The following PDE4B variants were observed in gnomAD, a reference collection of about 807,000 sequenced individuals.
The protein encoded by PDE4B is phosphodiesterase 4B, also known as 3',5'-cyclic-AMP phosphodiesterase 4B.
PDE4B carries 20 observed loss-of-function variants against 82.2 expected under a neutral mutation model. That is an observed-to-expected ratio of 0.24 (90% CI 0.17 to 0.35). The LOEUF is 0.35. Among genes scored for constraint, PDE4B ranks in the 10% least tolerant of loss-of-function variants. PDE4B has a pLI of 1.00. For missense variants in PDE4B, 655 were observed against 907.2 expected, an observed-to-expected ratio of 0.72 and a Z score of 3.57; for synonymous variants, 320 against 318.9, an observed-to-expected ratio of 1.00 and a Z score of -0.04.
chr1:66,166,810 G>T (rs1191467014), intron 3 of PDE4B, among the ~76,000 whole-genome samples: 1 of 151,490 alleles, frequency 6.6e-6, no homozygotes, highest in Non-Finnish European at 1.5e-5. Context: ...TCTGATAAGG[G>T]ACATGTTTCT....
At chr1:66,257,949 C>G in intron 6 of PDE4B, 86 bp downstream of exon 6, 1 of 891,184 alleles carries the variant, frequency 1.1e-6, no homozygotes, top group South Asian at 1.4e-5. Flanking sequence ...ACAACTATTA[C>G]ATGGAAAATT....
chr1:66,076,003 GCTTTCTTTTT>G (rs2100942338), intron 3 of PDE4B, among the ~76,000 whole-genome samples: 1 of 151,950 alleles, frequency 6.6e-6, no homozygotes, highest in South Asian at 2.1e-4. Context: ...ATTTACTACT[GCTTTCTTTTT>G]CTTTCTTTCT....
intron 1 of PDE4B, among the ~76,000 whole-genome samples, chr1:65,795,523 C>T (rs1237064789): frequency 6.6e-6 from 1 of 152,206 alleles, no homozygotes; most frequent in African/African-American, 2.4e-5. Flanking sequence ...CTTGTTGCCC[C>T]AGCTTCTGGG....
At chr1:66,191,462 A>C (rs183718401) in intron 3 of PDE4B, among the ~76,000 whole-genome samples, 20 of 152,344 alleles carry the variant, frequency 1.3e-4, no homozygotes, top group Non-Finnish European at 2.1e-4. Flanking sequence ...TTCATTTTAC[A>C]ATGTATATTT....
chr1:65,986,058 A>G (rs995169757), intron 3 of PDE4B, among the ~76,000 whole-genome samples: 3 of 152,218 alleles, frequency 2.0e-5, no homozygotes, highest in African/African-American at 7.2e-5. Context: ...TCAAGTATAA[A>G]AAGGATATTG....
chr1:66,116,816 C>T (rs756169073), intron 3 of PDE4B, among the ~76,000 whole-genome samples: 1 of 152,176 alleles, frequency 6.6e-6, no homozygotes, highest in Non-Finnish European at 1.5e-5. Context: ...CCTCCATCCT[C>T]GGCCTCCCAA....
At chr1:66,086,321 C>T (rs1315179413) in intron 3 of PDE4B, among the ~76,000 whole-genome samples, 1 of 152,108 alleles carries the variant, frequency 6.6e-6, no homozygotes, top group East Asian at 1.9e-4. Context: ...GAAGAGCACG[C>T]AGTCAGGTGT....
intron 7 of PDE4B, among the ~76,000 whole-genome samples, chr1:66,270,699 G>A (rs1187885699): frequency 1.3e-5 from 2 of 152,098 alleles, no homozygotes; most frequent in East Asian, 1.9e-4. Flanking sequence ...AACACTTACG[G>A]ACAAATAGGA....
intron 3 of PDE4B, among the ~76,000 whole-genome samples, chr1:66,098,596 G>A (rs1645160836): frequency 1.3e-5 from 2 of 152,104 alleles, no homozygotes; most frequent in African/African-American, 4.8e-5. Context: ...TGGGCACTCT[G>A]CATGGGTCTT....
At chr1:65,924,250 A>C (rs946094161) in intron 3 of PDE4B, among the ~76,000 whole-genome samples, 22 of 143,374 alleles carry the variant, frequency 1.5e-4, no homozygotes, top group Non-Finnish European at 3.1e-4. Flanking sequence ...AATTTTTTGT[A>C]TTTTTAGTAG....
chr1:66,196,811 G>C (rs1648342261), intron 3 of PDE4B, among the ~76,000 whole-genome samples: 2 of 133,654 alleles, frequency 1.5e-5, no homozygotes, highest in Non-Finnish European at 3.2e-5. Context: ...GACTGTGGTG[G>C]GGTGGGGGGA....
intron 7 of PDE4B, among the ~76,000 whole-genome samples, chr1:66,272,161 C>G (rs1655537207): frequency 6.6e-6 from 1 of 152,232 alleles, no homozygotes; most frequent in African/African-American, 2.4e-5. Flanking sequence ...ATGCAGCTCC[C>G]AGGCATGGCA....
intron 3 of PDE4B, among the ~76,000 whole-genome samples, chr1:66,116,452 G>A (rs1265446016): frequency 6.6e-6 from 1 of 152,168 alleles, no homozygotes; most frequent in East Asian, 1.9e-4. Flanking sequence ...CTGGAAGGCA[G>A]CAATGCTTCT....
chr1:66,212,695 G>A (rs1650158688), intron 3 of PDE4B, among the ~76,000 whole-genome samples: 1 of 152,024 alleles, frequency 6.6e-6, no homozygotes, highest in African/African-American at 2.4e-5. Context: ...GGCCCATACT[G>A]GACTCTCATT....
intron 3 of PDE4B, among the ~76,000 whole-genome samples, chr1:65,945,605 C>T (rs1471851618): frequency 7.2e-5 from 11 of 152,004 alleles, no homozygotes; most frequent in Admixed American, 6.6e-4. Context: ...CATTCATCAA[C>T]AGCAGTTACT....
intron 3 of PDE4B, among the ~76,000 whole-genome samples, chr1:66,233,732 A>G (rs1361307116): frequency 1.3e-5 from 2 of 151,964 alleles, no homozygotes; most frequent in African/African-American, 2.4e-5. Context: ...TGGATGTTGA[A>G]CTTTATCAAA....
chr1:65,948,363 G>T (rs140954570), intron 3 of PDE4B, among the ~76,000 whole-genome samples: 110 of 151,908 alleles, frequency 7.2e-4, no homozygotes, highest in African/African-American at 2.6e-3. Context: ...TGATCACAAG[G>T]TCCCACAATA....
chr1:65,930,604 C>A (rs1343214391), intron 3 of PDE4B, among the ~76,000 whole-genome samples: 2 of 152,204 alleles, frequency 1.3e-5, no homozygotes, highest in Non-Finnish European at 2.9e-5. Flanking sequence ...TGGAGCTATA[C>A]AATTTAATGA....
intron 3 of PDE4B, among the ~76,000 whole-genome samples, chr1:66,031,248 A>C (rs969189000): frequency 2.8e-4 from 42 of 152,344 alleles, no homozygotes; most frequent in African/African-American, 9.6e-4. Flanking sequence ...TGAGAGGAAA[A>C]CACCCTTTCT....
Sources: gnomAD v4.1 joint callset for allele counts (sites outside exome capture counted in the v4.1 genomes callset) on GRCh38, gnomAD v4.1.1 for gene constraint, MANE v1.5 for transcripts, NCBI Gene and HGNC (gene_info 2026-07-23, HGNC 2026-07-21) for gene names.